The following ATP2B3 variants were observed in gnomAD, a reference collection of about 807,000 sequenced individuals.
ATP2B3 encodes ATPase plasma membrane Ca2+ transporting 3.
A neutral mutation model predicts 70.8 loss-of-function variants in ATP2B3; 12 were observed. The ratio of observed to expected loss-of-function variants is 0.17; its 90% CI spans 0.11 to 0.27. The LOEUF is 0.27. Among genes scored for constraint, ATP2B3 ranks in the 10% least tolerant of loss-of-function variants. The pLI is 1.00. For missense variants in ATP2B3, 858 were observed against 1,118.5 expected, an observed-to-expected ratio of 0.77 and a Z score of 3.32; for synonymous variants, 460 against 497.8, an observed-to-expected ratio of 0.92 and a Z score of 1.01.
In ATP2B3 at chrX:153,560,796, C is replaced by T. The variant is rs370079824; in HGVS notation, c.2960C>T (p.Ala987Val). 6 of 1,210,432 alleles carry T rather than the reference C, an allele frequency of 5.0e-6. No individual in the cohort carries two copies. The highest frequency in any genetic ancestry group is 6.7e-6 in the Non-Finnish European group (6 of 895,308). Residue 987 changes from alanine to valine, a missense_variant, in exon 19 of 22, where the codon GCC (alanine) becomes GTC (valine). Physicochemically the swap from Ala to Val is moderately conservative, Grantham distance 64 (BLOSUM62 0). This residue lies in a region of ATP2B3 where 265 missense variants were observed against 305.3 expected (regional missense o/e 0.87). Transcript: ENST00000263519. ...VMMQLFNEINARKIHGERNVF... is the reference protein window; with the variant it reads ...VMMQLFNEINVRKIHGERNVF... ...ATGCAGCTCTTTAACGAGATCAACG[C>T]CCGCAAGATCCACGGCGAGAGGAAC... is the stretch of plus-strand genomic sequence containing the variant.
At chrX:153,521,867 C>T (rs1603006771) in intron 2 of ATP2B3, among the ~76,000 whole-genome samples, 2 of 112,047 alleles carry the variant, frequency 1.8e-5, no homozygotes, top group African/African-American at 6.5e-5. Flanking sequence ...CCATCACTCC[C>T]GAATGCTCTG....
chrX:153,580,116 G>A lies in ATP2B3; in HGVS notation c.3481G>A (p.Asp1161Asn), dbSNP rs782400729. 2.5e-6 allele frequency: 3 copies of A among 1,210,571 alleles called. No homozygotes were observed. Among genetic ancestry groups the A allele is most frequent in the African/African-American group, 1.7e-5 (1 of 57,263 alleles). ...DYTHNIPLID[D>N]TDVDENEERL... ...CACCCACAACATCCCGCTCATTGAC[G>A]ACACGGACGTGGACGAGAACGAGGA... Residue 1161 changes from aspartate to asparagine, a missense_variant, in exon 22 of 22, where the codon GAC becomes AAC. By Grantham distance (23) the Asp-to-Asn change is conservative. This residue lies in a region of ATP2B3 where 265 missense variants were observed against 305.3 expected (regional missense o/e 0.87). Transcript: ENST00000263519.
rs782715889 is a variant in ATP2B3 at position 153,560,822 on chromosome X, G to A, written c.2986G>A (p.Val996Met). 23 of 1,210,475 alleles carry A rather than the reference G, an allele frequency of 1.9e-5. No individual in the cohort carries two copies. In the African/African-American group the frequency reaches 2.1e-4, roughly 11 times the overall value. ...NARKIHGERN[V>M]FDGIFSNPIF... ...CCGCAAGATCCACGGCGAGAGGAAC[G>A]TGTTCGACGGCATCTTCAGCAACCC... is the stretch of plus-strand genomic sequence containing the variant. The change falls in exon 19 of 22, where the codon GTG (valine) becomes ATG (methionine). Residue 996 changes from valine to methionine, a missense_variant. Around this residue, in one of 5 missense-constraint regions of ATP2B3, gnomAD observed 265 missense variants for 305.3 expected, o/e 0.87. Coordinates refer to ENST00000263519, the MANE Select transcript of ATP2B3 (RefSeq NM_001001344.3).
intron 20 of ATP2B3, 36 bp downstream of exon 20, chrX:153,562,278 C>T (rs1557016664): frequency 8.7e-7 from 1 of 1,144,978 alleles, no homozygotes. Context: ...TCAGACTGCC[C>T]TGCAGACAGC....
chrX:153,529,046 G>A (rs1220133735), intron 2 of ATP2B3, among the ~76,000 whole-genome samples: 2 of 112,623 alleles, frequency 1.8e-5, no homozygotes, highest in African/African-American at 6.4e-5. Context: ...CACCTCTGCG[G>A]ATTCATTAAC....
In ATP2B3 at chrX:153,547,857, G is replaced by A. The variant is rs374211037; in HGVS notation, c.981G>A (p.Val327=). 1 of 1,208,590 alleles carries A rather than the reference G, an allele frequency of 8.3e-7. No individual in the cohort carries two copies. The highest frequency in any genetic ancestry group is 1.1e-6 in the Non-Finnish European group (1 of 893,697). The change falls in exon 9 of 22, where the codon GTG becomes GTA. Residue 327 remains valine (V), a synonymous_variant. Coordinates refer to ENST00000263519, the MANE Select transcript of ATP2B3 (RefSeq NM_001001344.3). ...CAGCTAAGAAGCAGGATGGTGCAGT[G>A]GCCATGGAGATGCAGCCCCTGAAGA... ...QTKAKKQDGA[V]AMEMQPLKSA...
At chrX:153,574,723 C>G (rs782007177) in intron 21 of ATP2B3, 5 of 314,679 alleles carry the variant, frequency 1.6e-5, no homozygotes, top group Non-Finnish European at 3.1e-5. Flanking sequence ...CACCCTCATC[C>G]TCCTCCCCAG....
At chrX:153,572,868 G>T (rs1352741334) in intron 21 of ATP2B3, among the ~76,000 whole-genome samples, 1 of 112,394 alleles carries the variant, frequency 8.9e-6, no homozygotes, top group Non-Finnish European at 1.9e-5. Context: ...AGCAGGCACA[G>T]GGGGCTGCGC....
intron 3 of ATP2B3, among the ~76,000 whole-genome samples, chrX:153,539,281 T>C (rs1000789404): frequency 1.8e-5 from 2 of 112,067 alleles, no homozygotes; most frequent in East Asian, 2.8e-4. Context: ...AGGCTCCCGA[T>C]TGGGGCAGGC....
intron 8 of ATP2B3, 49 bp downstream of exon 8, chrX:153,546,178 G>A: frequency 3.3e-6 from 4 of 1,199,316 alleles, no homozygotes; most frequent in Non-Finnish European, 3.4e-6. Flanking sequence ...CCCTGGGGGT[G>A]GGGCTGGTGG....
chrX:153,558,053 G>C, intron 16 of ATP2B3, 59 bp from the exon 17 acceptor site: 1 of 1,121,313 alleles, frequency 8.9e-7, no homozygotes, highest in Non-Finnish European at 1.2e-6. Flanking sequence ...GTGATCAAGG[G>C]GGGCTGGGGA....
intron 2 of ATP2B3, 35 bp from the exon 3 acceptor site, chrX:153,536,087 A>G: frequency 3.8e-6 from 2 of 528,953 alleles, no homozygotes; most frequent in Middle Eastern, 5.0e-4. Flanking sequence ...TGTCTCAACC[A>G]CTCCCCTGGC....
intron 2 of ATP2B3, among the ~76,000 whole-genome samples, chrX:153,525,334 C>T (rs996135843): frequency 6.2e-5 from 7 of 112,201 alleles, no homozygotes; most frequent in African/African-American, 1.9e-4. Flanking sequence ...CCACAGATTG[C>T]GGGCCAGGGG....
At chrX:153,537,611 T>C (rs1444679540) in intron 3 of ATP2B3, among the ~76,000 whole-genome samples, 2 of 112,899 alleles carry the variant, frequency 1.8e-5, no homozygotes, top group Admixed American at 9.2e-5. Flanking sequence ...GCCCTGGAGC[T>C]GATGCGCCCG....
intron 2 of ATP2B3, among the ~76,000 whole-genome samples, chrX:153,525,610 G>T (rs1304780699): frequency 8.9e-6 from 1 of 112,596 alleles, no homozygotes; most frequent in Non-Finnish European, 1.9e-5. Context: ...GGAGAGATGG[G>T]CTCAGGAGCA....
At chrX:153,556,821 C>A in intron 15 of ATP2B3, 96 bp from the exon 16 acceptor site, 1 of 936,489 alleles carries the variant, frequency 1.1e-6, no homozygotes, top group Non-Finnish European at 1.5e-6. Flanking sequence ...AAAGGGTTTT[C>A]ACAGCCAACC....
chrX:153,571,037 C>CAT (rs2090781018), intron 21 of ATP2B3, among the ~76,000 whole-genome samples: 1 of 109,531 alleles, frequency 9.1e-6, no homozygotes, highest in African/African-American at 3.3e-5. Context: ...CACACACACA[C>CAT]ACTCCTTCTC....
chrX:153,564,381 T>C (rs1288353909), intron 20 of ATP2B3, among the ~76,000 whole-genome samples: 1 of 112,681 alleles, frequency 8.9e-6, no homozygotes, highest in Non-Finnish European at 1.9e-5. Context: ...CTGGCCTCCA[T>C]CTCCAGCCCT....
intron 21 of ATP2B3, 97 bp downstream of exon 21, chrX:153,565,200 AC>A: frequency 1.0e-6 from 1 of 1,004,101 alleles, no homozygotes; most frequent in Non-Finnish European, 1.3e-6. Flanking sequence ...TGCACCCGAC[AC>A]CCACAGGGAA....
Sources: allele counts gnomAD v4.1 joint callset (sites outside exome capture counted in the v4.1 genomes callset), GRCh38; gene constraint gnomAD v4.1.1; regional missense constraint gnomAD v4.1.1; transcripts MANE v1.5; gene names NCBI Gene and HGNC (gene_info 2026-07-23, HGNC 2026-07-21).